The following TENM4 variants were observed in gnomAD, a reference collection of about 807,000 sequenced individuals.
TENM4 encodes the protein teneurin-4.
In TENM4, 82 loss-of-function variants were observed where a neutral mutation model predicts 243.3. The observed-to-expected ratio is 0.34, with a 90% CI of 0.28 to 0.40. TENM4 has a LOEUF of 0.40. Among genes scored for constraint, TENM4 ranks in the 10% least tolerant of loss-of-function variants. TENM4 has a pLI of 1.00. For missense variants in TENM4, 3,138 were observed against 3,673.3 expected (o/e 0.85, Z 3.77); for synonymous variants, 1,412 against 1,456.3 (o/e 0.97, Z 0.69).
At chr11:78,695,851 A>ATGTG (rs56816673) in intron 28 of TENM4, among the ~76,000 whole-genome samples, 4,169 of 148,234 alleles carry the variant, frequency 0.028, 195 homozygotes, top group African/African-American at 0.099. Context: ...ATGGCTAGAA[A>ATGTG]TGTGTGTGTG....
intron 1 of TENM4, among the ~76,000 whole-genome samples, chr11:79,327,569 A>G (rs1590882601): frequency 6.6e-6 from 1 of 152,280 alleles, no homozygotes; most frequent in Non-Finnish European, 1.5e-5. Context: ...TTTTACAGAT[A>G]AGAAAACTGA....
intron 2 of TENM4, among the ~76,000 whole-genome samples, chr11:79,232,505 G>A (rs567436823): frequency 1.3e-5 from 2 of 152,330 alleles, no homozygotes; most frequent in East Asian, 1.9e-4. Flanking sequence ...AAAAGCAGGA[G>A]GTGGCAGCTG....
intron 25 of TENM4, among the ~76,000 whole-genome samples, chr11:78,719,018 A>T (rs764171723): frequency 6.6e-6 from 1 of 152,168 alleles, no homozygotes; most frequent in Non-Finnish European, 1.5e-5. Context: ...AATTGTTATG[A>T]TAATAAATTA....
At chr11:78,665,356 C>T (rs1271741283) in intron 32 of TENM4, among the ~76,000 whole-genome samples, 2 of 152,066 alleles carry the variant, frequency 1.3e-5, no homozygotes, top group Non-Finnish European at 2.9e-5. Flanking sequence ...ACTGCAACCT[C>T]CGCATCCCAG....
intron 1 of TENM4, among the ~76,000 whole-genome samples, chr11:79,396,663 C>T (rs532082906): frequency 4.3e-4 from 66 of 152,314 alleles, no homozygotes; most frequent in Admixed American, 7.2e-4. Flanking sequence ...AGCGCTCCAG[C>T]GGCCAAGCCA....
At chr11:78,949,558 C>T (rs1031850009) in intron 6 of TENM4, among the ~76,000 whole-genome samples, 1 of 152,128 alleles carries the variant, frequency 6.6e-6, no homozygotes, top group African/African-American at 2.4e-5. Flanking sequence ...TATTCAGAAG[C>T]AAATGTAGGA....
chr11:79,182,471 C>T (rs1863302772), intron 3 of TENM4, among the ~76,000 whole-genome samples: 1 of 152,126 alleles, frequency 6.6e-6, no homozygotes, highest in African/African-American at 2.4e-5. Flanking sequence ...TACAAAACAC[C>T]AAGTAAATAA....
chr11:78,846,992 T>A (rs964163259), intron 12 of TENM4, among the ~76,000 whole-genome samples: 13 of 152,232 alleles, frequency 8.5e-5, no homozygotes, highest in African/African-American at 3.1e-4. Context: ...GCCAAAGAAA[T>A]GTAAGCTGAA....
intron 1 of TENM4, among the ~76,000 whole-genome samples, chr11:79,350,761 T>C (rs1857401551): frequency 1.3e-5 from 2 of 152,086 alleles, no homozygotes. Context: ...TTCTAACTTC[T>C]AATTTCTAAT....
At chr11:78,810,664 TG>T (rs1266175681) in intron 14 of TENM4, among the ~76,000 whole-genome samples, 1 of 152,222 alleles carries the variant, frequency 6.6e-6, no homozygotes. Context: ...CAGCCACGCT[TG>T]GGGTTTATAT....
At chr11:79,346,835 T>C (rs1282960329) in intron 1 of TENM4, among the ~76,000 whole-genome samples, 1 of 152,202 alleles carries the variant, frequency 6.6e-6, no homozygotes, top group African/African-American at 2.4e-5. Context: ...GCTCAGAAAA[T>C]GAAGTATCTG....
chr11:79,265,602 T>C (rs375182704), intron 2 of TENM4, among the ~76,000 whole-genome samples: 20 of 152,200 alleles, frequency 1.3e-4, no homozygotes, highest in African/African-American at 4.1e-4. Flanking sequence ...ATATTTCCAT[T>C]GGAGTGTGCG....
chr11:79,401,566 C>T (rs143673174), intron 1 of TENM4, among the ~76,000 whole-genome samples: 3 of 152,218 alleles, frequency 2.0e-5, no homozygotes, highest in Non-Finnish European at 4.4e-5. Flanking sequence ...AAAAAGAAAA[C>T]GTCAATCATT....
At chr11:79,425,741 T>A (rs1028254822) in intron 1 of TENM4, among the ~76,000 whole-genome samples, 15 of 152,170 alleles carry the variant, frequency 9.9e-5, no homozygotes, top group Non-Finnish European at 1.8e-4. Context: ...ATCCCTCTGG[T>A]ATAAGCTCTG....
intron 1 of TENM4, among the ~76,000 whole-genome samples, chr11:79,418,272 C>G (rs1372200443): frequency 6.6e-6 from 1 of 152,204 alleles, no homozygotes; most frequent in African/African-American, 2.4e-5. Flanking sequence ...ACAGAAACCT[C>G]TACTGAAAAG....
chr11:79,157,874 C>A (rs1012911290), intron 3 of TENM4, among the ~76,000 whole-genome samples: 1 of 152,198 alleles, frequency 6.6e-6, no homozygotes, highest in Non-Finnish European at 1.5e-5. Flanking sequence ...CAGCAGGGAA[C>A]CAGCAAATGC....
rs151212620 is a variant in TENM4 at position 78,716,800 on chromosome 11, G to A, written c.3821+3570C>T. Among the ~76,000 whole-genome samples, 197 of 152,314 alleles carry A rather than the reference G, an allele frequency of 1.3e-3. 1 individual carries two copies. The highest frequency in any genetic ancestry group is 4.5e-3 in the African/African-American group (185 of 41,566). On this transcript the variant is annotated intron_variant, in intron 25 of 33. Transcript: ENST00000278550. ...TTGCTAAAATGCACATTTCAATTCT[G>A]TAGCTCTGGGGCGGGGAACTTGAGA...
intron 3 of TENM4, among the ~76,000 whole-genome samples, chr11:79,190,399 G>A (rs1440263462): frequency 2.0e-5 from 3 of 152,164 alleles, no homozygotes; most frequent in African/African-American, 7.2e-5. Flanking sequence ...CTTGTAAATG[G>A]CAAATGTCTT....
intron 6 of TENM4, among the ~76,000 whole-genome samples, chr11:79,031,645 G>C (rs1043033723): frequency 2.0e-5 from 3 of 152,188 alleles, no homozygotes; most frequent in Non-Finnish European, 4.4e-5. Flanking sequence ...GTCAAGGTGA[G>C]GGGTTTAGGA....
Sources: gnomAD v4.1 joint callset for allele counts (sites outside exome capture counted in the v4.1 genomes callset) on GRCh38, gnomAD v4.1.1 for gene constraint, MANE v1.5 for transcripts, NCBI Gene and HGNC (gene_info 2026-07-23, HGNC 2026-07-21) for gene names.